The following SPATA31H1 variants were observed in gnomAD, a reference collection of about 807,000 sequenced individuals.
The protein encoded by SPATA31H1 is spermatogenesis-associated protein 31H1.
At chr2:27,539,971 T>TC in the SPATA31H1 span, among the ~76,000 whole-genome samples, 1 of 48,890 alleles carries the variant, frequency 2.0e-5, no homozygotes, top group African/African-American at 7.9e-5. Flanking sequence ...GGGGGGCTGA[T>TC]CCCCCCACCT....
chr2:27,558,714 C>T, the SPATA31H1 span, among the ~76,000 whole-genome samples: 2 of 50,954 alleles, frequency 3.9e-5, no homozygotes, highest in Non-Finnish European at 8.0e-5. Context: ...GCCCGGCCAA[C>T]ACAGCGAAAC....
the SPATA31H1 span, chr2:27,568,166 A>G: frequency 2.5e-6 from 1 of 399,034 alleles, no homozygotes. Context: ...ATCCATGTAT[A>G]GAATCAGTGG....
At chr2:27,545,448 A>T in the SPATA31H1 span, among the ~76,000 whole-genome samples, 1 of 152,016 alleles carries the variant, frequency 6.6e-6, no homozygotes, top group Non-Finnish European at 1.5e-5. Flanking sequence ...TTGCTTGGTC[A>T]TGTGGTATAT....
At chr2:27,556,023 T>C in the SPATA31H1 span, among the ~76,000 whole-genome samples, 1 of 151,322 alleles carries the variant, frequency 6.6e-6, no homozygotes, top group African/African-American at 2.4e-5. Context: ...TCCTAGCTAC[T>C]TGGGAAGCTG....
At chr2:27,575,986 A>G in the SPATA31H1 span, 1 of 398,514 alleles carries the variant, frequency 2.5e-6, no homozygotes, top group South Asian at 1.3e-4. The surrounding 1 kb of genome is among the most constrained non-coding windows in gnomAD (Gnocchi z 4.1). Flanking sequence ...CCTATACCAC[A>G]TTTGCAAGGT....
the SPATA31H1 span, chr2:27,570,520 C>G: frequency 2.5e-6 from 1 of 398,862 alleles, no homozygotes; most frequent in Non-Finnish European, 4.4e-6. Context: ...TCCAAATTAG[C>G]AAAGATATTT....
At chr2:27,546,326 T>G in the SPATA31H1 span, among the ~76,000 whole-genome samples, 1 of 151,942 alleles carries the variant, frequency 6.6e-6, no homozygotes, top group Admixed American at 6.5e-5. Context: ...TTATTTTTTT[T>G]CTTTCACATT....
At chr2:27,559,787 TTC>T in the SPATA31H1 span, among the ~76,000 whole-genome samples, 3 of 152,190 alleles carry the variant, frequency 2.0e-5, no homozygotes, top group African/African-American at 7.2e-5. Context: ...TAAGATTTGA[TTC>T]TGTTTTCAAA....
the SPATA31H1 span, among the ~76,000 whole-genome samples, chr2:27,547,466 G>T: frequency 6.6e-5 from 10 of 151,964 alleles, no homozygotes; most frequent in African/African-American, 2.4e-4. Context: ...TGAGCCACCA[G>T]GCCTGGTCCC....
At chr2:27,549,764 A>G in the SPATA31H1 span, among the ~76,000 whole-genome samples, 1 of 151,920 alleles carries the variant, frequency 6.6e-6, no homozygotes, top group Non-Finnish European at 1.5e-5. Context: ...AGCTAAGATC[A>G]CACCACTGCA....
chr2:27,568,586 G>A, the SPATA31H1 span: 13 of 399,008 alleles, frequency 3.3e-5, no homozygotes, highest in African/African-American at 2.7e-4. Context: ...TGCAAGGTAG[G>A]AGATCTGTTC....
the SPATA31H1 span, chr2:27,577,394 A>G: frequency 6.2e-7 from 1 of 1,614,118 alleles, no homozygotes; most frequent in Non-Finnish European, 8.5e-7. The surrounding 1 kb of genome is among the most constrained non-coding windows in gnomAD (Gnocchi z 4.5). Flanking sequence ...ATTACTTTAC[A>G]GAAGCTATGG....
chr2:27,551,553 T>C, the SPATA31H1 span, among the ~76,000 whole-genome samples: 5 of 151,938 alleles, frequency 3.3e-5, no homozygotes, highest in Non-Finnish European at 5.9e-5. Flanking sequence ...CAGAAATCCA[T>C]AGGGCAGACC....
At chr2:27,565,724 A>G in the SPATA31H1 span, among the ~76,000 whole-genome samples, 2 of 152,162 alleles carry the variant, frequency 1.3e-5, no homozygotes, top group Non-Finnish European at 2.9e-5. Context: ...CCCCCCCACC[A>G]CAGATACTGG....
the SPATA31H1 span, among the ~76,000 whole-genome samples, chr2:27,545,247 T>G: frequency 6.6e-6 from 1 of 151,976 alleles, no homozygotes; most frequent in Admixed American, 6.5e-5. Context: ...GGTTTCGAAC[T>G]CCTGACCTCA....
At chr2:27,576,505 G>A in the SPATA31H1 span, 1 of 1,243,548 alleles carries the variant, frequency 8.0e-7, no homozygotes, top group African/African-American at 1.5e-5. Flanking sequence ...TTGACATCAT[G>A]CTTTGGGTCA....
chr2:27,562,747 C>T, the SPATA31H1 span, among the ~76,000 whole-genome samples: 1 of 150,890 alleles, frequency 6.6e-6, no homozygotes, highest in African/African-American at 2.4e-5. Context: ...ATTAGCTGGG[C>T]CTGGTGGTGC....
the SPATA31H1 span, chr2:27,581,047 G>C: frequency 1.2e-6 from 2 of 1,614,022 alleles, no homozygotes; most frequent in Non-Finnish European, 1.7e-6. Context: ...AACTTCTATA[G>C]AAATGAAACC....
chr2:27,567,494 C>G, the SPATA31H1 span: 1 of 413,784 alleles, frequency 2.4e-6, no homozygotes, highest in Non-Finnish European at 4.3e-6. Flanking sequence ...CATTTCAGCT[C>G]CATGTGAATG....
Sources: allele counts gnomAD v4.1 joint callset (sites outside exome capture counted in the v4.1 genomes callset), GRCh38; gene constraint gnomAD v4.1.1; non-coding constraint Gnocchi (gnomAD v3.1); transcripts MANE v1.5; gene names NCBI Gene and HGNC (gene_info 2026-07-23, HGNC 2026-07-21).